The following MED27 variants were observed in gnomAD, a reference collection of about 807,000 sequenced individuals.
The protein encoded by MED27 is mediator complex subunit 27, also known as mediator of RNA polymerase II transcription subunit 27.
A neutral mutation model predicts 38.2 loss-of-function variants in MED27; 30 were observed. The ratio of observed to expected loss-of-function variants is 0.79; its 90% CI spans 0.59 to 1.07. The LOEUF (loss-of-function observed/expected upper bound fraction) is 1.07, where lower values mean the gene tolerates loss of function less well. Ranked by LOEUF, MED27 falls within the 50% of genes least tolerant of loss-of-function variation. MED27 has a pLI of 0.00. For missense variants in MED27, 289 were observed against 397.5 expected (o/e 0.73, Z 2.32); for synonymous variants, 122 against 153.5 (o/e 0.79, Z 1.52).
chr9:132,067,167 C>T (rs1249254201), intron 2 of MED27, among the ~76,000 whole-genome samples: 2 of 152,222 alleles, frequency 1.3e-5, no homozygotes, highest in Non-Finnish European at 2.9e-5. Flanking sequence ...GTGTGTCCAA[C>T]GCTGAACTAG....
Position 132,024,110 on chromosome 9 carries a change from T to G in MED27, c.349-9643A>C, listed in dbSNP as rs1832769971. Among the ~76,000 whole-genome samples the G allele has an allele frequency of 2.0e-5, 3 of 152,234 alleles. 1 individual carries two copies. The South Asian group carries it at 6.2e-4, about 32-fold the overall frequency. ...AGCCTTGCAGTGAGATGGCCCTGAGTTCAAACCCCAGCTCAACATGAGTGA... is the reference window on the plus strand; with the variant it reads ...AGCCTTGCAGTGAGATGGCCCTGAGGTCAAACCCCAGCTCAACATGAGTGA... On this transcript the variant is annotated intron_variant, in intron 2 of 7. Coordinates refer to ENST00000292035, the MANE Select transcript of MED27 (RefSeq NM_004269.4).
chr9:131,928,506 C>T (rs1206979409), intron 4 of MED27, among the ~76,000 whole-genome samples: 1 of 152,250 alleles, frequency 6.6e-6, no homozygotes, highest in Non-Finnish European at 1.5e-5. Flanking sequence ...ACTCCTCCTC[C>T]TTCCTCCAGC....
chr9:131,907,236 C>T (rs1251407157), intron 4 of MED27, among the ~76,000 whole-genome samples: 5 of 152,104 alleles, frequency 3.3e-5, no homozygotes, highest in Admixed American at 1.3e-4. Context: ...GTCTCCCTCT[C>T]CCTCTCTTTC....
intron 3 of MED27, among the ~76,000 whole-genome samples, chr9:131,944,275 C>T (rs936919249): frequency 2.0e-5 from 3 of 152,162 alleles, no homozygotes; most frequent in Non-Finnish European, 2.9e-5. Context: ...CAACAATTTA[C>T]GGCTTGAACA....
intron 3 of MED27, among the ~76,000 whole-genome samples, chr9:131,979,482 C>T (rs1831683755): frequency 4.0e-5 from 1 of 24,968 alleles, no homozygotes; most frequent in African/African-American, 1.3e-4. Context: ...AAAAGCTGTT[C>T]CAAAAAAAAA....
At chr9:132,017,454 A>G (rs1418718367) in intron 2 of MED27, among the ~76,000 whole-genome samples, 4 of 152,242 alleles carry the variant, frequency 2.6e-5, no homozygotes, top group Non-Finnish European at 4.4e-5. Flanking sequence ...GCAGCATGGA[A>G]ACAAGTCTAT....
intron 3 of MED27, among the ~76,000 whole-genome samples, chr9:132,010,262 C>T (rs1436623038): frequency 6.6e-6 from 1 of 152,138 alleles, no homozygotes; most frequent in Non-Finnish European, 1.5e-5. Context: ...ATTTACGCAG[C>T]CAACAGACAC....
intron 3 of MED27, among the ~76,000 whole-genome samples, chr9:131,977,117 T>C (rs1020984430): frequency 6.6e-6 from 1 of 152,216 alleles, no homozygotes; most frequent in African/African-American, 2.4e-5. Flanking sequence ...CAGCCACTCG[T>C]TATTCCAATC....
At chr9:131,875,527 C>T (rs1338921131) in intron 6 of MED27, among the ~76,000 whole-genome samples, 1 of 152,196 alleles carries the variant, frequency 6.6e-6, no homozygotes, top group Non-Finnish European at 1.5e-5. Flanking sequence ...GAAGCCTGCC[C>T]ACAGGGGATG....
chr9:132,041,007 T>A (rs971086687), intron 2 of MED27, among the ~76,000 whole-genome samples: 2 of 151,962 alleles, frequency 1.3e-5, no homozygotes, highest in Non-Finnish European at 2.9e-5. Flanking sequence ...CTGGAAGCAG[T>A]GCAACACAGC....
At chr9:132,000,004 C>CAGGCT (rs1397160724) in intron 3 of MED27, among the ~76,000 whole-genome samples, 1 of 152,024 alleles carries the variant, frequency 6.6e-6, no homozygotes, top group East Asian at 1.9e-4. Flanking sequence ...CAATCTAAGA[C>CAGGCT]AGGCTCTACA....
chr9:131,905,918 C>T (rs1305229724), intron 4 of MED27, among the ~76,000 whole-genome samples: 2 of 151,912 alleles, frequency 1.3e-5, no homozygotes, highest in African/African-American at 2.4e-5. Context: ...GCATTAGGCA[C>T]CCAGAGTGAG....
At chr9:132,026,705 G>A (rs1396817929) in intron 2 of MED27, among the ~76,000 whole-genome samples, 2 of 152,082 alleles carry the variant, frequency 1.3e-5, no homozygotes, top group Non-Finnish European at 1.5e-5. Flanking sequence ...TGTAAGCCCC[G>A]TAGGAGTAGA....
At chr9:131,981,253 C>T (rs759739627) in intron 3 of MED27, among the ~76,000 whole-genome samples, 19 of 152,212 alleles carry the variant, frequency 1.2e-4, no homozygotes, top group Non-Finnish European at 2.8e-4. Context: ...AGGAAAACCA[C>T]TATTTGTCTT....
chr9:131,880,147 C>G (rs553594700), intron 6 of MED27, among the ~76,000 whole-genome samples: 1 of 152,128 alleles, frequency 6.6e-6, no homozygotes. Flanking sequence ...GCGCATGCTT[C>G]GTGCTTTCTA....
At chr9:131,986,795 C>T (rs904015593) in intron 3 of MED27, among the ~76,000 whole-genome samples, 3 of 152,034 alleles carry the variant, frequency 2.0e-5, no homozygotes, top group African/African-American at 7.3e-5. Flanking sequence ...TTAAACAGAC[C>T]ACTCACTTCA....
At chr9:131,880,566 G>A (rs1839019248) in intron 6 of MED27, among the ~76,000 whole-genome samples, 1 of 152,172 alleles carries the variant, frequency 6.6e-6, no homozygotes, top group South Asian at 2.1e-4. Flanking sequence ...AAATACACAT[G>A]ATATGCCACT....
Position 131,917,976 on chromosome 9 carries a change from T to G in MED27, c.573+21405A>C, listed in dbSNP as rs1380691311. On this transcript the variant is annotated intron_variant, in intron 4 of 7. Coordinates refer to ENST00000292035, the MANE Select transcript of MED27 (RefSeq NM_004269.4). The surrounding 1 kb of genome is among the most constrained non-coding windows in gnomAD (Gnocchi z 4.6). ...TTTCACCCTGTCTCAAAAAGGCAAG[T>G]GCCACCTGTTTCTACCTAGCATTAA... Among the ~76,000 whole-genome samples, 1 of 152,248 alleles carries G rather than the reference T, an allele frequency of 6.6e-6. No individual in the cohort carries two copies. Among genetic ancestry groups the G allele is most frequent in the African/African-American group, 2.4e-5 (1 of 41,480 alleles).
chr9:131,928,417 A>C (rs1830520847), intron 4 of MED27, among the ~76,000 whole-genome samples: 1 of 152,232 alleles, frequency 6.6e-6, no homozygotes, highest in South Asian at 2.1e-4. Context: ...TCAGGTAAGC[A>C]ATCACAGTAT....
Sources: gnomAD v4.1 joint callset for allele counts (sites outside exome capture counted in the v4.1 genomes callset) on GRCh38, gnomAD v4.1.1 for gene constraint, Gnocchi (gnomAD v3.1) non-coding constraint, MANE v1.5 for transcripts, NCBI Gene and HGNC (gene_info 2026-07-23, HGNC 2026-07-21) for gene names.